Variants in ANKRD62 observed in about 807,000 individuals in gnomAD.
ANKRD62 encodes the protein ankyrin repeat domain 62.
A neutral mutation model predicts 98.8 loss-of-function variants in ANKRD62; 61 were observed. The ratio of observed to expected loss-of-function variants is 0.62; its 90% CI spans 0.50 to 0.76. ANKRD62 has a LOEUF of 0.76. Among genes scored for constraint, ANKRD62 ranks in the 30% least tolerant of loss-of-function variants. The pLI is 0.00. For synonymous variants in ANKRD62, 341 were observed against 367.9 expected, an observed-to-expected ratio of 0.93 and a Z score of 0.84; for missense variants, 933 against 1,082.9, an observed-to-expected ratio of 0.86 and a Z score of 1.94.
At chr18:12,169,928 T>C in the ANKRD62 span, among the ~76,000 whole-genome samples, 2 of 152,236 alleles carry the variant, frequency 1.3e-5, no homozygotes, top group East Asian at 3.8e-4. Context: ...GAGGTGTTTA[T>C]AGTATTCTCT....
At chr18:12,171,708 C>T in the ANKRD62 span, among the ~76,000 whole-genome samples, 4 of 152,294 alleles carry the variant, frequency 2.6e-5, no homozygotes, top group African/African-American at 9.6e-5. Context: ...TGGGGAAGTT[C>T]TCCTGGGTAA....
At chr18:12,171,785 G>A in the ANKRD62 span, among the ~76,000 whole-genome samples, 4 of 152,196 alleles carry the variant, frequency 2.6e-5, no homozygotes, top group Non-Finnish European at 5.9e-5. Context: ...CCACTCAGAC[G>A]TAGATTTGGT....
At chr18:12,095,060 G>T in intron 1 of ANKRD62, 111 bp from the exon 2 acceptor site, 1 of 816,936 alleles carries the variant, frequency 1.2e-6, no homozygotes, top group Non-Finnish European at 2.0e-6. Context: ...GTAACTATTT[G>T]TTCTGAAGGC....
intron 9 of ANKRD62, 52 bp downstream of exon 9, chr18:12,115,173 A>G (rs1909634590): frequency 7.3e-7 from 1 of 1,365,780 alleles, no homozygotes; most frequent in African/African-American, 1.5e-5. Context: ...CTTAAAAAAG[A>G]TCATGGTAAA....
intron 1 of ANKRD62, among the ~76,000 whole-genome samples, chr18:12,094,848 C>A (rs1209508689): frequency 1.2e-5 from 1 of 81,546 alleles, no homozygotes; most frequent in Non-Finnish European, 2.4e-5. Flanking sequence ...GGTGGGGAGT[C>A]GAGTGGAGTG....
downstream of ANKRD62, among the ~76,000 whole-genome samples, chr18:12,131,923 A>G (rs1321226064): frequency 2.0e-5 from 3 of 152,108 alleles, no homozygotes; most frequent in Non-Finnish European, 4.4e-5. Flanking sequence ...TTTCAGAGTT[A>G]CTGCACATTT....
At chr18:12,133,531 C>T (rs1428023900), downstream of ANKRD62, among the ~76,000 whole-genome samples, 1 of 152,160 alleles carries the variant, frequency 6.6e-6, no homozygotes, top group African/African-American at 2.4e-5. Flanking sequence ...AATTTCTTCA[C>T]ATCTTTTCCA....
intron 5 of ANKRD62, among the ~76,000 whole-genome samples, chr18:12,098,848 A>C (rs1909240700): frequency 6.6e-6 from 1 of 152,352 alleles, no homozygotes; most frequent in South Asian, 2.1e-4. Context: ...ATTCTAACAA[A>C]GATCTGCCAG....
chr18:12,125,652 G>A lies in ANKRD62; in HGVS notation c.1831G>A (p.Glu611Lys). Residue 611 changes from glutamate to lysine, a missense_variant, in exon 13 of 14, where the codon GAG (glutamate) becomes AAG (lysine). Around this residue, in one of 3 missense-constraint regions of ANKRD62, gnomAD observed 362 missense variants for 434.5 expected, o/e 0.83. Transcript: ENST00000587848. The part of the protein sequence containing the change: ...EDLEKTLKRN[E>K]EALTKTITRY... ...CCTTGAAAAGACTCTCAAGCGGAAT[G>A]AGGAAGCATTAACAAAAACAATAAC... 6.5e-7 allele frequency: 1 copy of A among 1,532,202 alleles called. No homozygotes were observed. Among genetic ancestry groups the A allele is most frequent in the Non-Finnish European group, 8.7e-7 (1 of 1,145,658 alleles). 94.9% of individuals were successfully genotyped at this position (1,532,202 alleles called of 1,614,324 possible).
chr18:12,157,513 A>G, the ANKRD62 span, among the ~76,000 whole-genome samples: 1 of 152,118 alleles, frequency 6.6e-6, no homozygotes, highest in Non-Finnish European at 1.5e-5. Flanking sequence ...ACTGTGTTGT[A>G]ATATTTAACA....
At chr18:12,107,185 A>G (rs565220440) in intron 7 of ANKRD62, 110 bp from the exon 8 acceptor site, 4 of 467,142 alleles carry the variant, frequency 8.6e-6, no homozygotes, top group South Asian at 8.0e-5. Flanking sequence ...TTATCATGTC[A>G]TGACTAATAT....
In ANKRD62 at chr18:12,115,538, G is replaced by A. The variant is rs1016013481; in HGVS notation, c.1240+4G>A. ...CAAAGTGGAATGGAGTGTAAAGGTAGGACCAATGCATAAATATAAGGCTCT... is the reference window on the plus strand; with the variant it reads ...CAAAGTGGAATGGAGTGTAAAGGTAAGACCAATGCATAAATATAAGGCTCT... On this transcript the variant is annotated splice_donor_region_variant and intron_variant, in intron 10 of 13. Coordinates refer to ENST00000587848, the MANE Select transcript of ANKRD62 (RefSeq NM_001277333.2). The A allele has an allele frequency of 5.2e-6, 8 of 1,532,328 alleles. No homozygotes were observed. Among genetic ancestry groups the A allele is most frequent in the Admixed American group, 2.0e-5 (1 of 50,416 alleles). 94.9% of individuals were successfully genotyped at this position (1,532,328 alleles called of 1,614,324 possible).
the ANKRD62 span, among the ~76,000 whole-genome samples, chr18:12,172,071 G>T: frequency 6.6e-6 from 1 of 152,124 alleles, no homozygotes; most frequent in Admixed American, 6.5e-5. Context: ...TCTCTGGGAT[G>T]GGTTTGAACA....
chr18:12,098,710 C>T (rs1909236723), intron 5 of ANKRD62, among the ~76,000 whole-genome samples: 1 of 151,960 alleles, frequency 6.6e-6, no homozygotes, highest in Non-Finnish European at 1.5e-5. Flanking sequence ...GTGTTGTGTG[C>T]AAATATATTG....
chr18:12,115,415 C>T lies in ANKRD62; in HGVS notation c.1121C>T (p.Thr374Met), dbSNP rs192217310. ...KSKVKSQIYF[T>M]DDLNDISGSS... ...TAGGTTAAAAGCCAAATATATTTCACGGATGACCTTAATGACATAAGTGGG... is the reference window on the plus strand; with the variant it reads ...TAGGTTAAAAGCCAAATATATTTCATGGATGACCTTAATGACATAAGTGGG... The change falls in exon 10 of 14, where the codon ACG becomes ATG. Residue 374 changes from threonine to methionine, a missense_variant. By Grantham distance (81) the Thr-to-Met change is moderately conservative. Coordinates refer to ENST00000587848, the MANE Select transcript of ANKRD62 (RefSeq NM_001277333.2). The T allele has an allele frequency of 1.1e-5, 17 of 1,534,360 alleles. No homozygotes were observed. Among genetic ancestry groups the T allele is most frequent in the African/African-American group, 1.1e-4 (8 of 73,012 alleles).
At chr18:12,175,960 G>C in the ANKRD62 span, among the ~76,000 whole-genome samples, 10 of 151,902 alleles carry the variant, frequency 6.6e-5, no homozygotes, top group South Asian at 1.0e-3. Flanking sequence ...GGGAGGCCGA[G>C]GTGGATGAAT....
intron 7 of ANKRD62, among the ~76,000 whole-genome samples, chr18:12,105,246 A>G (rs1909387858): frequency 6.6e-6 from 1 of 152,252 alleles, no homozygotes; most frequent in South Asian, 2.1e-4. Context: ...TGTTCCACAA[A>G]CCATTATATC....
Position 12,097,730 on chromosome 18 carries a change from A to G in ANKRD62, c.705A>G (p.Ile235Met). 1 of 1,536,066 alleles carries G rather than the reference A, an allele frequency of 6.5e-7. No homozygotes were observed. Among genetic ancestry groups the G allele is most frequent in the Non-Finnish European group, 8.7e-7 (1 of 1,146,812 alleles). Residue 235 changes from isoleucine (I) to methionine (M), a missense_variant, in exon 5 of 14, where the codon ATA becomes ATG. Ile to Met is a conservative substitution (Grantham distance 10). Transcript: ENST00000587848. The stretch of plus-strand genomic sequence containing the variant: ...ATATTGATGTCTTTTGCCAAGATAT[A>G]TCTGGATGGACTGCAGAAGACTACG... The part of the protein sequence containing the change: ...QHNIDVFCQD[I>M]SGWTAEDYAV...
the ANKRD62 span, among the ~76,000 whole-genome samples, chr18:12,169,091 T>C: frequency 6.6e-6 from 1 of 152,224 alleles, no homozygotes; most frequent in Non-Finnish European, 1.5e-5. Context: ...AGGGACAATT[T>C]GACTTCCTCT....
Sources: gnomAD v4.1 joint callset for allele counts (sites outside exome capture counted in the v4.1 genomes callset) on GRCh38, gnomAD v4.1.1 for gene constraint, gnomAD v4.1.1 regional missense constraint, MANE v1.5 for transcripts, NCBI Gene and HGNC (gene_info 2026-07-23, HGNC 2026-07-21) for gene names.